TMPO: variants seen among roughly 807,000 people sequenced by gnomAD.
TMPO encodes thymopoietin.
A neutral mutation model predicts 45.4 loss-of-function variants in TMPO; 22 were observed. That is an observed-to-expected ratio of 0.48 (90% CI 0.35 to 0.69). The LOEUF (loss-of-function observed/expected upper bound fraction) is 0.69. Among genes scored for constraint, TMPO ranks in the 30% least tolerant of loss-of-function variants. The probability of loss-of-function intolerance (pLI) is 0.01; values close to 1 mark genes in which losing one functional copy is unlikely to be tolerated. For synonymous variants in TMPO, 241 were observed against 204.1 expected (o/e 1.18, Z -1.54); for missense variants, 512 against 548.8 (o/e 0.93, Z 0.67).
chr12:98,544,742 CA>C (rs1878120459), intron 6 of TMPO: 2 of 646,762 alleles, frequency 3.1e-6, no homozygotes, highest in South Asian at 2.0e-5. Context: ...ATTCATTGTA[CA>C]AGAAAGTATA....
At chr12:98,531,971 C>A in intron 3 of TMPO, 133 bp downstream of exon 3, 1 of 698,628 alleles carries the variant, frequency 1.4e-6, no homozygotes, top group Non-Finnish European at 2.4e-6. Flanking sequence ...TAGAGTAATT[C>A]TGTAATTTGA....
chr12:98,535,219 A>C, intron 3 of TMPO: 1 of 984,084 alleles, frequency 1.0e-6, no homozygotes, highest in South Asian at 4.7e-5. Flanking sequence ...TGCTTTCATG[A>C]TATATTGTAT....
At chr12:98,528,276 T>G (rs913445644) in intron 2 of TMPO, among the ~76,000 whole-genome samples, 29 of 149,982 alleles carry the variant, frequency 1.9e-4, no homozygotes, top group Non-Finnish European at 3.7e-4. Flanking sequence ...TTTGGTTTTG[T>G]TTTGTTTTTT....
At chr12:98,527,743 T>A in intron 1 of TMPO, 143 bp from the exon 2 acceptor site, 5 of 847,752 alleles carry the variant, frequency 5.9e-6, no homozygotes, top group Non-Finnish European at 9.4e-6. Context: ...AATGAGTTGC[T>A]CTTAATTTAA....
chr12:98,535,336 A>G (rs17028456), intron 3 of TMPO: 22,086 of 984,184 alleles, frequency 0.022, 827 homozygotes, highest in African/African-American at 0.16. Flanking sequence ...TGTATAAAGC[A>G]GTGTATTATC....
intron 3 of TMPO, among the ~76,000 whole-genome samples, chr12:98,532,442 T>C (rs1260865191): frequency 6.6e-6 from 1 of 152,164 alleles, no homozygotes; most frequent in Non-Finnish European, 1.5e-5. Flanking sequence ...TTGTTCGCAG[T>C]TTTTGTTAAT....
chr12:98,528,915 G>A (rs972661285), intron 2 of TMPO, among the ~76,000 whole-genome samples: 1 of 152,020 alleles, frequency 6.6e-6, no homozygotes, highest in Non-Finnish European at 1.5e-5. Context: ...AGTGAGCCGT[G>A]ATGGCTACTG....
intron 4 of TMPO, among the ~76,000 whole-genome samples, chr12:98,538,632 T>C (rs1286181334): frequency 2.6e-5 from 4 of 151,988 alleles, no homozygotes; most frequent in Admixed American, 2.0e-4. Context: ...GGATTACAGG[T>C]GTGAGCCACC....
chr12:98,520,742 G>C (rs1444956363), intron 1 of TMPO, among the ~76,000 whole-genome samples: 1 of 151,436 alleles, frequency 6.6e-6, no homozygotes, highest in Admixed American at 6.6e-5. Flanking sequence ...CCGCCACCAC[G>C]CCTGGCTAAT....
chr12:98,537,561 G>A lies in TMPO; in HGVS notation c.652G>A (p.Glu218Lys). 6.2e-7 allele frequency: 1 copy of A among 1,612,334 alleles called. No homozygotes were observed. Among genetic ancestry groups the A allele is most frequent in the South Asian group, 1.1e-5 (1 of 90,888 alleles). Residue 218 changes from glutamate (E) to lysine (K), a missense_variant, in exon 4 of 9, where the codon GAG becomes AAG. Transcript: ENST00000556029. ...AGTAACACTCAAGCAAAGAAGAGTTGAGCACAATCAGGTATCTTTAGTTTT... is the reference window on the plus strand; with the variant it reads ...AGTAACACTCAAGCAAAGAAGAGTTAAGCACAATCAGGTATCTTTAGTTTT... ...TPVTLKQRRV[E>K]HNQSYSQAGI...
intron 3 of TMPO, chr12:98,534,267 C>T: frequency 1.2e-6 from 2 of 1,613,642 alleles, no homozygotes; most frequent in East Asian, 2.2e-5. Flanking sequence ...AGCTGGCTTC[C>T]ACTCCCTTTA....
intron 2 of TMPO, among the ~76,000 whole-genome samples, chr12:98,531,029 A>G (rs977623088): frequency 6.6e-6 from 1 of 152,038 alleles, no homozygotes; most frequent in Admixed American, 6.6e-5. Flanking sequence ...CGCAACCTCC[A>G]TCTCCTGGGT....
rs1447801243 is a variant in TMPO at position 98,532,864 on chromosome 12, A to G, written c.565+1026A>G. The G allele has an allele frequency of 1.2e-6, 2 of 1,614,144 alleles. No homozygotes were observed. Among genetic ancestry groups the G allele is most frequent in the Non-Finnish European group, 1.7e-6 (2 of 1,180,000 alleles). On this transcript the variant is annotated intron_variant, in intron 3 of 8. Transcript: ENST00000556029. ...CAAGAAAGTGAAGTCCACTAGGGAT[A>G]TTGTTCCTTTTTCTGAACTTGGAAC...
At chr12:98,528,800 A>G (rs1876973289) in intron 2 of TMPO, among the ~76,000 whole-genome samples, 1 of 152,066 alleles carries the variant, frequency 6.6e-6, no homozygotes, top group South Asian at 2.1e-4. Flanking sequence ...CTCTGCAGAA[A>G]ATTTTAAAAT....
At chr12:98,524,311 C>T (rs1805744667) in intron 1 of TMPO, among the ~76,000 whole-genome samples, 3 of 152,278 alleles carry the variant, frequency 2.0e-5, no homozygotes, top group East Asian at 3.9e-4. Flanking sequence ...CTGTGGCTCA[C>T]GCCTGTAATC....
intron 1 of TMPO, among the ~76,000 whole-genome samples, chr12:98,521,099 AATTTTTTTTT>A (rs1272032564): frequency 1.1e-5 from 1 of 93,018 alleles, no homozygotes; most frequent in African/African-American, 4.0e-5. Context: ...GTTTATGAGG[AATTTTTTTTT>A]TTTTTTTTTT....
intron 4 of TMPO, among the ~76,000 whole-genome samples, chr12:98,542,431 A>G (rs933353299): frequency 6.9e-6 from 1 of 145,106 alleles, no homozygotes; most frequent in Non-Finnish European, 1.5e-5. Context: ...TTAATTGGTT[A>G]TGGTAGTTGG....
chr12:98,515,715 T>G lies in TMPO; in HGVS notation c.-153T>G, dbSNP rs1456144787. 9 of 1,492,660 alleles carry G rather than the reference T, an allele frequency of 6.0e-6. No homozygotes were observed. The highest frequency in any genetic ancestry group is 8.1e-6 in the Non-Finnish European group (9 of 1,114,136). 92.5% of individuals were successfully genotyped at this position (1,492,660 alleles called of 1,614,324 possible). A position where few individuals can be genotyped will look rare whatever the true frequency, so the allele number is the denominator to read the frequency against. ...TGTGTCCGGGTCTGGCTTGGCTTTG[T>G]GTCCGCGAGTTTTTGTTCCGCTCCG... On this transcript the variant is annotated 5_prime_UTR_variant, in exon 1 of 9. Coordinates refer to ENST00000556029, the MANE Select transcript of TMPO (RefSeq NM_001032283.3).
chr12:98,538,020 G>A (rs1375691622), intron 4 of TMPO, among the ~76,000 whole-genome samples: 1 of 152,186 alleles, frequency 6.6e-6, no homozygotes, highest in Non-Finnish European at 1.5e-5. Context: ...TAAGACTACA[G>A]TTTTCTTTCC....
Sources: gnomAD v4.1 joint callset for allele counts (sites outside exome capture counted in the v4.1 genomes callset) on GRCh38, gnomAD v4.1.1 for gene constraint, MANE v1.5 for transcripts, NCBI Gene and HGNC (gene_info 2026-07-23, HGNC 2026-07-21) for gene names.